Variants in APBA1 observed in about 807,000 individuals in gnomAD.
The protein encoded by APBA1 is amyloid beta precursor protein binding family A member 1.
Under a neutral mutation model 86.6 loss-of-function variants are expected in APBA1, and 55 were observed. The ratio of observed to expected loss-of-function variants is 0.64; its 90% CI spans 0.51 to 0.80. The LOEUF (loss-of-function observed/expected upper bound fraction) is 0.80, where lower values mean the gene tolerates loss of function less well. Ranked by LOEUF, APBA1 falls within the 30% of genes least tolerant of loss-of-function variation. The pLI is 0.00. For missense variants in APBA1, 1,090 were observed against 1,183.0 expected (o/e 0.92, Z 1.15); for synonymous variants, 511 against 493.9 (o/e 1.03, Z -0.46).
At chr9:69,451,204 G>A (rs1460379072) in intron 9 of APBA1, among the ~76,000 whole-genome samples, 1 of 152,132 alleles carries the variant, frequency 6.6e-6, no homozygotes, top group Non-Finnish European at 1.5e-5. Context: ...TGGACAGAAG[G>A]AAGCTCATGT....
intron 1 of APBA1, among the ~76,000 whole-genome samples, chr9:69,551,869 G>T (rs1298422588): frequency 6.6e-6 from 1 of 152,148 alleles, no homozygotes; most frequent in African/African-American, 2.4e-5. Context: ...ACAGTTGCAG[G>T]CTTTCTCTTT....
At chr9:69,601,549 A>G (rs1476691222) in intron 1 of APBA1, among the ~76,000 whole-genome samples, 4 of 152,260 alleles carry the variant, frequency 2.6e-5, no homozygotes, top group Admixed American at 6.5e-5. Context: ...ATTAGTTGTC[A>G]TAGTGTAGCT....
At position 69,536,475 on chromosome 9, in the gene APBA1, C is replaced by T. The variant is rs531381383; in HGVS notation, c.-69-19196G>A. Among the ~76,000 whole-genome samples, 3 of 151,934 alleles carry T rather than the reference C, an allele frequency of 2.0e-5. No individual in the cohort carries two copies. In the South Asian group the frequency reaches 6.3e-4, roughly 32 times the overall value. Reference sequence around the variant, plus strand: ...GCAAATGTCAGAAATCTAATAATTTCATCTGAACTTGTACACATTTTCTAT... The same window carrying T: ...GCAAATGTCAGAAATCTAATAATTTTATCTGAACTTGTACACATTTTCTAT... On this transcript the variant is annotated intron_variant, in intron 1 of 12. Transcript: ENST00000265381.
At chr9:69,476,989 C>A (rs536804753) in intron 2 of APBA1, among the ~76,000 whole-genome samples, 1 of 152,204 alleles carries the variant, frequency 6.6e-6, no homozygotes, top group Non-Finnish European at 1.5e-5. Context: ...GGGACTGATA[C>A]AGACCCGGAA....
intron 3 of APBA1, among the ~76,000 whole-genome samples, chr9:69,473,063 G>A (rs1266504971): frequency 6.6e-6 from 1 of 152,162 alleles, no homozygotes; most frequent in African/African-American, 2.4e-5. Context: ...GGATGAAATG[G>A]TTCTGCACAC....
At chr9:69,447,826 A>G (rs1343954946) in intron 10 of APBA1, among the ~76,000 whole-genome samples, 3 of 152,154 alleles carry the variant, frequency 2.0e-5, no homozygotes, top group Non-Finnish European at 4.4e-5. Context: ...CACAGCACTG[A>G]GCACTGTGAG....
intron 1 of APBA1, among the ~76,000 whole-genome samples, 163 bp downstream of exon 1, chr9:69,671,990 C>T (rs551216130): frequency 6.6e-6 from 1 of 152,332 alleles, no homozygotes; most frequent in Admixed American, 6.5e-5. Context: ...TGGTTCCAGG[C>T]ACTGCCTCCT....
intron 2 of APBA1, among the ~76,000 whole-genome samples, chr9:69,484,428 A>G (rs1462361507): frequency 6.6e-6 from 1 of 152,032 alleles, no homozygotes; most frequent in African/African-American, 2.4e-5. Context: ...ACCCACACCA[A>G]CCTCATCAGG....
intron 1 of APBA1, among the ~76,000 whole-genome samples, chr9:69,568,788 T>C (rs1388062965): frequency 6.6e-6 from 1 of 152,186 alleles, no homozygotes; most frequent in African/African-American, 2.4e-5. Context: ...AACTGTGACA[T>C]TAATGGTATC....
At chr9:69,592,873 T>C (rs991884883) in intron 1 of APBA1, among the ~76,000 whole-genome samples, 11 of 152,160 alleles carry the variant, frequency 7.2e-5, no homozygotes, top group African/African-American at 1.9e-4. Context: ...AGGAATAAAA[T>C]TGTCCTGAAC....
chr9:69,500,315 G>A (rs2150878), intron 2 of APBA1, among the ~76,000 whole-genome samples: 123,470 of 152,028 alleles, frequency 0.81, 50,334 homozygotes, highest in Admixed American at 0.86. Flanking sequence ...AATGTAACTG[G>A]CACAACAAAC....
At position 69,647,553 on chromosome 9, in the gene APBA1, A is replaced by C. The variant is rs1016470297; in HGVS notation, c.-70+24600T>G. Among the ~76,000 whole-genome samples, 10 of 152,350 alleles carry C rather than the reference A, an allele frequency of 6.6e-5. No homozygotes were observed. The East Asian group carries it at 1.9e-3, about 29-fold the overall frequency. On this transcript the variant is annotated intron_variant, in intron 1 of 12. Transcript: ENST00000265381. ...CTATCTGACAGCTTTCAGGGTAGAC[A>C]ACAACCAAAGTCAAGTTTCCTGACT... is the stretch of plus-strand genomic sequence containing the variant.
intron 1 of APBA1, among the ~76,000 whole-genome samples, chr9:69,597,223 T>C (rs967111895): frequency 6.6e-6 from 1 of 152,236 alleles, no homozygotes; most frequent in Non-Finnish European, 1.5e-5. Flanking sequence ...TGGTGTGAGA[T>C]AGTATCTCAT....
chr9:69,430,537 G>C lies in APBA1; in HGVS notation c.*790C>G, dbSNP rs1367772946. The C allele has an allele frequency of 8.4e-6, 1 of 119,392 alleles. No individual in the cohort carries two copies. The highest frequency in any genetic ancestry group is 1.7e-5 in the Non-Finnish European group (1 of 60,304). The allele number at this position is 119,392 out of a possible 1,614,324, so 7.4% of individuals were successfully genotyped here. A position where few individuals can be genotyped will look rare whatever the true frequency, so the allele number is the denominator to read the frequency against. On this transcript the variant is annotated 3_prime_UTR_variant, in exon 13 of 13. Coordinates refer to ENST00000265381, the MANE Select transcript of APBA1 (RefSeq NM_001163.4). ...GCAGGGAAGGGTGATATGCAAATGG[G>C]ACTGTGTGTGTGTGTGTGTGTGTGA... is the stretch of plus-strand genomic sequence containing the variant.
chr9:69,443,715 CAG>C (rs1438514037), intron 10 of APBA1, among the ~76,000 whole-genome samples: 1 of 152,190 alleles, frequency 6.6e-6, no homozygotes, highest in Admixed American at 6.5e-5. Context: ...AACTGAGGCT[CAG>C]AGATTTTAAA....
At chr9:69,547,609 T>C (rs747294845) in intron 1 of APBA1, among the ~76,000 whole-genome samples, 2 of 152,234 alleles carry the variant, frequency 1.3e-5, no homozygotes, top group Non-Finnish European at 2.9e-5. Context: ...TAGGTCTCTC[T>C]TACACTAGCC....
chr9:69,499,853 C>A (rs530830656), intron 2 of APBA1, among the ~76,000 whole-genome samples: 2 of 152,120 alleles, frequency 1.3e-5, no homozygotes, highest in East Asian at 3.9e-4. Context: ...TCACACCAAG[C>A]CCTTACTTCT....
At chr9:69,498,343 A>C (rs896392027) in intron 2 of APBA1, among the ~76,000 whole-genome samples, 1 of 152,120 alleles carries the variant, frequency 6.6e-6, no homozygotes, top group Non-Finnish European at 1.5e-5. Context: ...CCCCACAAGC[A>C]TGTGAGCTTG....
At chr9:69,549,024 T>C (rs1301159093) in intron 1 of APBA1, among the ~76,000 whole-genome samples, 1 of 152,160 alleles carries the variant, frequency 6.6e-6, no homozygotes, top group African/African-American at 2.4e-5. Context: ...GTCTTCATGA[T>C]GGGCATGCAG....
Sources: gnomAD v4.1 joint callset for allele counts (sites outside exome capture counted in the v4.1 genomes callset) on GRCh38, gnomAD v4.1.1 for gene constraint, MANE v1.5 for transcripts, NCBI Gene and HGNC (gene_info 2026-07-23, HGNC 2026-07-21) for gene names.